Variants in CTNND2 observed in about 807,000 individuals in gnomAD.
CTNND2 encodes catenin delta 2.
In CTNND2, 22 loss-of-function variants were observed where a neutral mutation model predicts 144.4. That is an observed-to-expected ratio of 0.15 (90% CI 0.11 to 0.22). The LOEUF (loss-of-function observed/expected upper bound fraction) is 0.22. CTNND2 is among the 10% of genes least tolerant of loss of function. CTNND2 has a pLI of 1.00. For missense variants in CTNND2, 1,353 were observed against 1,618.8 expected (o/e 0.84, Z 2.82); for synonymous variants, 751 against 695.6 (o/e 1.08, Z -1.25).
chr5:11,571,525 A>G (rs1353961315), intron 2 of CTNND2, among the ~76,000 whole-genome samples: 1 of 152,162 alleles, frequency 6.6e-6, no homozygotes, highest in Non-Finnish European at 1.5e-5. Context: ...CCCTGCGTCA[A>G]GAGAATTAAT....
intron 2 of CTNND2, among the ~76,000 whole-genome samples, chr5:11,615,544 G>A (rs1447713394): frequency 6.6e-6 from 1 of 152,108 alleles, no homozygotes; most frequent in Non-Finnish European, 1.5e-5. Flanking sequence ...AATCCAAATT[G>A]AAGTAGTAGA....
chr5:11,458,626 G>A (rs527658451), intron 3 of CTNND2, among the ~76,000 whole-genome samples: 1 of 152,290 alleles, frequency 6.6e-6, no homozygotes, highest in African/African-American at 2.4e-5. Context: ...ATGAGACCAG[G>A]AGAACAGAAG....
chr5:11,541,732 A>G (rs906375233), intron 3 of CTNND2, among the ~76,000 whole-genome samples: 1 of 152,008 alleles, frequency 6.6e-6, no homozygotes, highest in Admixed American at 6.5e-5. Flanking sequence ...CCTTTCTCAG[A>G]GCATCTTAAT....
At chr5:11,534,621 A>G (rs1774048236) in intron 3 of CTNND2, among the ~76,000 whole-genome samples, 1 of 151,992 alleles carries the variant, frequency 6.6e-6, no homozygotes, top group Admixed American at 6.6e-5. Flanking sequence ...AAAAAAAAAG[A>G]AAGAAAAGAA....
At position 11,384,919 on chromosome 5, in the gene CTNND2, G is replaced by C. The variant is rs1310088822; in HGVS notation, c.923C>G (p.Ala308Gly). ...SSPKQSPSRL[A>G]KSYSTSSPIN... is the part of the protein sequence containing the mutation. The stretch of plus-strand genomic sequence containing the variant: ...GGGCGAGCTGGTGCTGTAGGACTTG[G>C]CCAGGCGGCTGGGCGACTGCTTGGG... The change falls in exon 7 of 22, where the codon GCC becomes GGC. Residue 308 changes from alanine (A) to glycine (G), a missense_variant. This residue lies in a region of CTNND2 where 708 missense variants were observed against 706.4 expected (regional missense o/e 1.00). Transcript: ENST00000304623. The surrounding 1 kb of genome is among the most constrained non-coding windows in gnomAD (Gnocchi z 5.2). 1 of 1,605,336 alleles carries C rather than the reference G, an allele frequency of 6.2e-7. No individual in the cohort carries two copies. Among genetic ancestry groups the C allele is most frequent in the East Asian group, 2.2e-5 (1 of 44,566 alleles).
intron 2 of CTNND2, among the ~76,000 whole-genome samples, chr5:11,634,924 G>GA: frequency 6.6e-6 from 1 of 152,048 alleles, no homozygotes; most frequent in South Asian, 2.1e-4. Flanking sequence ...TGGAGATTAG[G>GA]AACCTTTAGA....
chr5:11,264,341 T>C (rs1580744140), intron 9 of CTNND2, among the ~76,000 whole-genome samples: 1 of 152,322 alleles, frequency 6.6e-6, no homozygotes, highest in African/African-American at 2.4e-5. Flanking sequence ...GCTGTGGCAG[T>C]GGGCATGGCT....
intron 2 of CTNND2, among the ~76,000 whole-genome samples, chr5:11,629,905 G>A (rs545064872): frequency 6.6e-6 from 1 of 151,924 alleles, no homozygotes; most frequent in Admixed American, 6.6e-5. Flanking sequence ...TTTAATTGTT[G>A]AAAAAAATGC....
intron 9 of CTNND2, among the ~76,000 whole-genome samples, chr5:11,258,399 T>A (rs761481584): frequency 2.0e-5 from 3 of 152,176 alleles, no homozygotes; most frequent in Non-Finnish European, 4.4e-5. Flanking sequence ...CACTCACTCA[T>A]CAACATTGCT....
At chr5:11,727,008 C>T (rs1787061199) in intron 2 of CTNND2, among the ~76,000 whole-genome samples, 1 of 152,132 alleles carries the variant, frequency 6.6e-6, no homozygotes, top group Admixed American at 6.5e-5. Flanking sequence ...GGTGGAGAGA[C>T]AGAGATGATC....
intron 3 of CTNND2, among the ~76,000 whole-genome samples, chr5:11,441,764 C>T (rs1221295463): frequency 6.6e-6 from 1 of 151,948 alleles, no homozygotes; most frequent in African/African-American, 2.4e-5. Flanking sequence ...TTTCTCAGCT[C>T]ATTACCCTGT....
chr5:11,574,957 T>G (rs1777862237), intron 2 of CTNND2, among the ~76,000 whole-genome samples: 1 of 152,248 alleles, frequency 6.6e-6, no homozygotes, highest in Admixed American at 6.5e-5. Flanking sequence ...TCCTCTTCTC[T>G]ATCCTTTCCT....
chr5:10,973,369 G>T lies in CTNND2; in HGVS notation c.*84C>A. 7.2e-7 allele frequency: 1 copy of T among 1,397,434 alleles called. No homozygotes were observed. Among genetic ancestry groups the T allele is most frequent in the Non-Finnish European group, 9.5e-7 (1 of 1,053,358 alleles). The allele number at this position is 1,397,434 out of a possible 1,614,324, so 86.6% of individuals were successfully genotyped here. Reference sequence around the variant, plus strand: ...GAACAGGCTTTAACAAACTAAATTTGCAGGAGAAAAAAACAAAACAGAAAG... The same window carrying T: ...GAACAGGCTTTAACAAACTAAATTTTCAGGAGAAAAAAACAAAACAGAAAG... On this transcript the variant is annotated 3_prime_UTR_variant, in exon 22 of 22. Transcript: ENST00000304623. This position sits in a 1 kb window ranked among gnomAD's most constrained non-coding sequence, Gnocchi z 5.6.
At chr5:11,336,709 A>G (rs1753759096) in intron 9 of CTNND2, among the ~76,000 whole-genome samples, 1 of 152,206 alleles carries the variant, frequency 6.6e-6, no homozygotes, top group Non-Finnish European at 1.5e-5. Flanking sequence ...ATACATATAC[A>G]CACATTATTT....
chr5:11,138,165 C>T (rs1414048852), intron 12 of CTNND2, among the ~76,000 whole-genome samples: 1 of 151,726 alleles, frequency 6.6e-6, no homozygotes, highest in Non-Finnish European at 1.5e-5. Context: ...GGCGTGTGGC[C>T]TCCTTTCTCC....
At chr5:11,761,240 G>A (rs916347604) in intron 1 of CTNND2, among the ~76,000 whole-genome samples, 1 of 152,122 alleles carries the variant, frequency 6.6e-6, no homozygotes, top group Non-Finnish European at 1.5e-5. Context: ...CTCTGAGAAC[G>A]ATGCTAAATT....
At chr5:11,752,768 T>C (rs1028014183) in intron 1 of CTNND2, among the ~76,000 whole-genome samples, 2 of 151,914 alleles carry the variant, frequency 1.3e-5, no homozygotes, top group Non-Finnish European at 2.9e-5. Flanking sequence ...ATAAGTTGCT[T>C]TGGGCAGTAT....
intron 3 of CTNND2, among the ~76,000 whole-genome samples, chr5:11,546,413 AC>A (rs1327733586): frequency 6.6e-6 from 1 of 152,094 alleles, no homozygotes. Flanking sequence ...ACAAAACAAA[AC>A]AAAAATTGTA....
chr5:11,198,284 T>C (rs1375214903), intron 11 of CTNND2, among the ~76,000 whole-genome samples: 2 of 152,226 alleles, frequency 1.3e-5, no homozygotes, highest in Non-Finnish European at 2.9e-5. Context: ...TTAACAATTA[T>C]TATTTTTTCC....
Sources: gnomAD v4.1 joint callset for allele counts (sites outside exome capture counted in the v4.1 genomes callset) on GRCh38, gnomAD v4.1.1 for gene constraint, gnomAD v4.1.1 regional missense constraint, Gnocchi (gnomAD v3.1) non-coding constraint, MANE v1.5 for transcripts, NCBI Gene and HGNC (gene_info 2026-07-23, HGNC 2026-07-21) for gene names.